The following UBTF variants were observed in gnomAD, a reference collection of about 807,000 sequenced individuals.
UBTF encodes nucleolar transcription factor 1.
UBTF carries 8 observed loss-of-function variants against 112.3 expected under a neutral mutation model. The observed-to-expected ratio is 0.07, with a 90% CI of 0.04 to 0.13. The LOEUF (loss-of-function observed/expected upper bound fraction) is 0.13, where lower values mean the gene tolerates loss of function less well. Among genes scored for constraint, UBTF ranks in the 10% least tolerant of loss-of-function variants. The pLI is 1.00. For synonymous variants in UBTF, 417 were observed against 373.1 expected (o/e 1.12, Z -1.36); for missense variants, 457 against 982.1 (o/e 0.47, Z 7.15).
intron 19 of UBTF, 49 bp from the exon 20 acceptor site, chr17:44,207,646 T>C: frequency 1.2e-6 from 2 of 1,614,156 alleles, no homozygotes; most frequent in Non-Finnish European, 1.7e-6. Context: ...TGCCCAACCA[T>C]TCCAGGCAGT....
chr17:44,208,092 ATTTTTTTTTTTTTTTTTT>A (rs57107684), intron 17 of UBTF, among the ~76,000 whole-genome samples, 181 bp from the exon 18 acceptor site: 1 of 117,994 alleles, frequency 8.5e-6, no homozygotes. Context: ...CACAGCTCTA[ATTTTTTTTTTTTTTTTTT>A]TTTTTTTTTT....
rs184936544 is a variant in UBTF at position 44,207,670 on chromosome 17, C to T, written c.2025+29G>A. ...ATTCCAGGCAGTGCCCCCCGCCCCACGCCCCTGCATCTGGGAGGGGCTCCT... is the reference window on the plus strand; with the variant it reads ...ATTCCAGGCAGTGCCCCCCGCCCCATGCCCCTGCATCTGGGAGGGGCTCCT... On this transcript the variant is annotated intron_variant, in intron 19 of 20. Transcript: ENST00000436088. 7,931 of 1,614,224 alleles carry T rather than the reference C, an allele frequency of 4.9e-3. 26 individuals carry two copies. Among genetic ancestry groups the T allele is most frequent in the Non-Finnish European group, 5.8e-3 (6,786 of 1,180,038 alleles).
Position 44,209,396 on chromosome 17 carries a change from C to G in UBTF, c.1861G>C (p.Glu621Gln), listed in dbSNP as rs1436378504. 6.2e-7 allele frequency: 1 copy of G among 1,613,628 alleles called. No homozygotes were observed. The highest frequency in any genetic ancestry group is 1.1e-5 in the South Asian group (1 of 91,010). Reference protein sequence around the residue: ...QKEHYKKLAEEQQKQYKVHLD... With the variant: ...QKEHYKKLAEQQQKQYKVHLD... ...TGCACCTTGTACTGCTTTTGCTGCT[C>G]CTCGGCCAGCTTTTTGTAGTGCTCC... The change falls in exon 17 of 21, where the codon GAG becomes CAG. Residue 621 changes from glutamate to glutamine, a missense_variant. Transcript: ENST00000436088.
At chr17:44,212,131 G>A (rs1181984673) in intron 8 of UBTF, 125 bp from the exon 9 acceptor site, 2 of 965,110 alleles carry the variant, frequency 2.1e-6, no homozygotes, top group African/African-American at 3.5e-5. Context: ...CGTCAGTGGT[G>A]TCACACGAGA....
intron 17 of UBTF, 81 bp downstream of exon 17, chr17:44,209,271 T>A (rs906822787): frequency 4.2e-6 from 6 of 1,419,868 alleles, no homozygotes; most frequent in Non-Finnish European, 5.7e-6. Flanking sequence ...CCAGCACAAG[T>A]GGGTGGATGG....
intron 13 of UBTF, 122 bp from the exon 14 acceptor site, chr17:44,210,595 C>T: frequency 7.1e-7 from 1 of 1,403,662 alleles, no homozygotes; most frequent in Non-Finnish European, 9.3e-7. Flanking sequence ...TGTCTCCCGC[C>T]TGGGGCTCGC....
At chr17:44,212,508 G>A in intron 7 of UBTF, 54 bp from the exon 8 acceptor site, 1 of 1,007,670 alleles carries the variant, frequency 9.9e-7, no homozygotes, top group Non-Finnish European at 1.5e-6. Context: ...AGGGGGAGGG[G>A]GGAAGGGGGA....
chr17:44,205,423 C>T lies in UBTF; in HGVS notation c.*1819G>A. ...CCACTGAAACACAACAGTGTAGGGG[C>T]ATCCAAATAGGAAACTGGGGTTCTT... On this transcript the variant is annotated 3_prime_UTR_variant, in exon 21 of 21. Coordinates refer to ENST00000436088, the MANE Select transcript of UBTF (RefSeq NM_014233.4). 1 of 152,470 alleles carries T rather than the reference C, an allele frequency of 6.6e-6. No individual in the cohort carries two copies. Among genetic ancestry groups the T allele is most frequent in the East Asian group, 1.9e-4 (1 of 5,184 alleles). 9.4% of individuals were successfully genotyped at this position (152,470 alleles called of 1,614,324 possible). A position where few individuals can be genotyped will look rare whatever the true frequency, so the allele number is the denominator to read the frequency against.
chr17:44,210,983 T>C (rs919106707), intron 12 of UBTF, 36 bp from the exon 13 acceptor site: 29 of 1,600,722 alleles, frequency 1.8e-5, no homozygotes, highest in Non-Finnish European at 2.4e-5. Context: ...CCGTGGGTGC[T>C]GCCAGGGAGC....
rs754827529 is a variant in UBTF at position 44,207,317 on chromosome 17, A to G, written c.2220T>C (p.Asp740=). The G allele has an allele frequency of 2.5e-6, 4 of 1,612,490 alleles. No individual in the cohort carries two copies. The highest frequency in any genetic ancestry group is 3.4e-6 in the Non-Finnish European group (4 of 1,179,396). Residue 740 remains aspartate (D), a synonymous_variant, in exon 21 of 21, where the codon GAT becomes GAC. Transcript: ENST00000436088. ...DEDDDEDDDE[D]EDNESEGSSS... ...TGCTGCCCTCGGACTCATTATCTTC[A>G]TCCTCATCGTCATCCTCGTCGTCGT...
chr17:44,210,133 C>T lies in UBTF; in HGVS notation c.1617G>A (p.Lys539=), dbSNP rs146418151. 10 of 1,614,116 alleles carry T rather than the reference C, an allele frequency of 6.2e-6. No homozygotes were observed. Among genetic ancestry groups the T allele is most frequent in the Admixed American group, 5.0e-5 (3 of 60,010 alleles). ...CCAGCCCCATTCCTACCTCATATCGCTTTTGGTCTTCGGCTGCCTTCTTAA... is the reference window on the plus strand; with the variant it reads ...CCAGCCCCATTCCTACCTCATATCGTTTTTGGTCTTCGGCTGCCTTCTTAA... ...MWIKKAAEDQ[K]RYERELSEMR... is the part of the protein sequence containing the mutation. The change falls in exon 15 of 21, where the codon AAG becomes AAA. Residue 539 remains lysine, a synonymous_variant. Transcript: ENST00000436088.
intron 3 of UBTF, 107 bp downstream of exon 3, chr17:44,216,422 T>C (rs961272222): frequency 1.5e-6 from 2 of 1,342,124 alleles, no homozygotes; most frequent in Non-Finnish European, 2.1e-6. Flanking sequence ...GGAGACCACA[T>C]GAATGCCTCT....
rs767275435 is a variant in UBTF at position 44,213,179 on chromosome 17, C to T, written c.539+39G>A. On this transcript the variant is annotated intron_variant, in intron 6 of 20. Coordinates refer to ENST00000436088, the MANE Select transcript of UBTF (RefSeq NM_014233.4). ...CAGGGTTAGCCTATTCTGCTGCCCC[C>T]AGTGCCCCGTGGCCCTCCTCTGGGC... is the stretch of plus-strand genomic sequence containing the variant. 6.9e-6 allele frequency: 11 copies of T among 1,604,628 alleles called. 1 individual carries two copies. In the South Asian group the frequency reaches 1.2e-4, roughly 18 times the overall value.
chr17:44,207,051 A>G lies in UBTF; in HGVS notation c.*191T>C. ...GGACCCCCAAGGGCTGATGTCTCTG[A>G]GGCTGCAGAGTCCTGGCCTGGGCTC... On this transcript the variant is annotated 3_prime_UTR_variant, in exon 21 of 21. Coordinates refer to ENST00000436088, the MANE Select transcript of UBTF (RefSeq NM_014233.4). 1 of 636,552 alleles carries G rather than the reference A, an allele frequency of 1.6e-6. No homozygotes were observed. The highest frequency in any genetic ancestry group is 2.7e-6 in the Non-Finnish European group (1 of 373,314). The allele number at this position is 636,552 out of a possible 1,614,324, so 39.4% of individuals were successfully genotyped here.
At chr17:44,212,516 G>T in intron 7 of UBTF, 62 bp from the exon 8 acceptor site, 2 of 740,376 alleles carry the variant, frequency 2.7e-6, no homozygotes, top group East Asian at 3.3e-5. Context: ...GGGGGAAGGG[G>T]GAAGGGGGCA....
chr17:44,216,156 A>G (rs1206614425), intron 3 of UBTF, 167 bp from the exon 4 acceptor site: 12 of 656,996 alleles, frequency 1.8e-5, no homozygotes, highest in Non-Finnish European at 2.6e-5. Context: ...ACACCCAGGC[A>G]CTGGCCCATG....
At chr17:44,218,806 G>C (rs2047000144) in intron 1 of UBTF, among the ~76,000 whole-genome samples, 1 of 149,292 alleles carries the variant, frequency 6.7e-6, no homozygotes, top group Non-Finnish European at 1.5e-5. Context: ...CGCAGCCGCC[G>C]CCAGCCCCGG....
At position 44,218,021 on chromosome 17, in the gene UBTF, T is replaced by C. The variant is rs139077642; in HGVS notation, c.58+151A>G. 6.0e-4 allele frequency: 494 copies of C among 827,732 alleles called. 1 individual carries two copies. The African/African-American group carries it at 7.1e-3, about 12-fold the overall frequency. 51.3% of individuals were successfully genotyped at this position (827,732 alleles called of 1,614,324 possible). ...TTTGGATTCAGCCAAACCCCAAGTGTGGGAGATGCTTGATTCATAAATACT... is the reference window on the plus strand; with the variant it reads ...TTTGGATTCAGCCAAACCCCAAGTGCGGGAGATGCTTGATTCATAAATACT... On this transcript the variant is annotated intron_variant, in intron 2 of 20. Coordinates refer to ENST00000436088, the MANE Select transcript of UBTF (RefSeq NM_014233.4).
rs148770098 is a variant in UBTF at position 44,207,502 on chromosome 17, G to A, written c.2121C>T (p.Gly707=). 4.0e-4 allele frequency: 640 copies of A among 1,613,822 alleles called. 1 individual carries two copies. The highest frequency in any genetic ancestry group is 2.4e-4 in the South Asian group (22 of 91,048). Residue 707 remains glycine (G), a synonymous_variant, in exon 20 of 21, where the codon GGC becomes GGT. Coordinates refer to ENST00000436088, the MANE Select transcript of UBTF (RefSeq NM_014233.4). ...CCTCGCTGCTGGACTCAGAGGAGTC[G>A]CCGCCATCTTCAGAGGAGTCCCCAT... The part of the protein sequence containing the change: ...DENGDSSEDG[G]DSSESSSEDE...
Sources: gnomAD v4.1 joint callset for allele counts (sites outside exome capture counted in the v4.1 genomes callset) on GRCh38, gnomAD v4.1.1 for gene constraint, MANE v1.5 for transcripts, NCBI Gene and HGNC (gene_info 2026-07-23, HGNC 2026-07-21) for gene names.